MCTP2: variants seen among roughly 807,000 people sequenced by gnomAD.
MCTP2 encodes multiple C2 and transmembrane domain-containing protein 2.
In MCTP2, 132 loss-of-function variants were observed where a neutral mutation model predicts 111.6. The ratio of observed to expected loss-of-function variants is 1.18; its 90% CI spans 1.03 to 1.37. The LOEUF is 1.37. Among genes scored for constraint, MCTP2 ranks in the 40% most tolerant of loss-of-function variants. The pLI is 0.00. For missense variants in MCTP2, 1,183 were observed against 1,067.9 expected, an observed-to-expected ratio of 1.11 and a Z score of -1.50; for synonymous variants, 395 against 387.7, an observed-to-expected ratio of 1.02 and a Z score of -0.22.
At chr15:94,400,987 G>A (rs567581659) in intron 16 of MCTP2, among the ~76,000 whole-genome samples, 7 of 152,032 alleles carry the variant, frequency 4.6e-5, no homozygotes, top group Non-Finnish European at 1.0e-4. Flanking sequence ...TGTTATTATT[G>A]CCTTTTGCTC....
At chr15:94,464,257 T>TATTATATATATATATATATATATTATA (rs4001978) in intron 20 of MCTP2, among the ~76,000 whole-genome samples, 4 of 44,966 alleles carry the variant, frequency 8.9e-5, no homozygotes, top group Admixed American at 2.6e-4. Context: ...TATATATATA[T>TATTATATATATATATATATATATTATA]TATATATATA....
intron 19 of MCTP2, among the ~76,000 whole-genome samples, chr15:94,447,316 C>T (rs1418569126): frequency 1.3e-5 from 2 of 152,152 alleles, no homozygotes. Context: ...AACTGATGTT[C>T]ATAGAGGAGG....
intron 17 of MCTP2, among the ~76,000 whole-genome samples, chr15:94,414,475 A>G (rs1166788205): frequency 6.6e-6 from 1 of 152,162 alleles, no homozygotes; most frequent in Admixed American, 6.6e-5. Context: ...GTTAAAAAAT[A>G]CATCGTGGTA....
chr15:94,266,893 T>C (rs2073567974), intron 1 of MCTP2, among the ~76,000 whole-genome samples: 1 of 152,196 alleles, frequency 6.6e-6, no homozygotes, highest in South Asian at 2.1e-4. Flanking sequence ...CTGGTGATGT[T>C]TGAGGGACTT....
At chr15:94,254,178 C>T (rs1438360417) in intron 1 of MCTP2, among the ~76,000 whole-genome samples, 2 of 152,166 alleles carry the variant, frequency 1.3e-5, no homozygotes, top group African/African-American at 4.8e-5. Flanking sequence ...ACTTTCTGAT[C>T]AGCCTTTGTA....
intron 1 of MCTP2, among the ~76,000 whole-genome samples, chr15:94,244,548 A>G (rs1471857171): frequency 6.8e-6 from 1 of 146,616 alleles, no homozygotes; most frequent in Non-Finnish European, 1.5e-5. Context: ...ACACATACAT[A>G]TGCACCTATG....
chr15:94,298,924 CCT>C (rs1362049424), intron 2 of MCTP2, among the ~76,000 whole-genome samples, 194 bp downstream of exon 2: 17 of 31,004 alleles, frequency 5.5e-4, no homozygotes, highest in Admixed American at 3.5e-4. Flanking sequence ...CCTCCCTCTC[CCT>C]CTTTCCCTCT....
At chr15:94,430,472 C>G (rs2083120642) in intron 17 of MCTP2, among the ~76,000 whole-genome samples, 1 of 146,950 alleles carries the variant, frequency 6.8e-6, no homozygotes, top group Non-Finnish European at 1.5e-5. Context: ...TGACTCATGC[C>G]TGTAATCCTA....
At chr15:94,282,177 T>C (rs1450148649) in intron 1 of MCTP2, among the ~76,000 whole-genome samples, 3 of 152,216 alleles carry the variant, frequency 2.0e-5, no homozygotes, top group Admixed American at 6.5e-5. Context: ...CTTTCAGGAA[T>C]GCCAGTGAGT....
intron 4 of MCTP2, among the ~76,000 whole-genome samples, chr15:94,325,448 G>A (rs1002715911): frequency 3.3e-5 from 5 of 152,048 alleles, no homozygotes; most frequent in Non-Finnish European, 7.4e-5. Context: ...CCTTTTTATC[G>A]TGGGCTTATC....
At chr15:94,283,181 T>TG in intron 1 of MCTP2, among the ~76,000 whole-genome samples, 1 of 152,148 alleles carries the variant, frequency 6.6e-6, no homozygotes, top group Non-Finnish European at 1.5e-5. Context: ...ATGCTTTGGC[T>TG]GGGCAGCTGA....
intron 21 of MCTP2, among the ~76,000 whole-genome samples, chr15:94,474,354 C>T (rs775622520): frequency 9.2e-5 from 14 of 152,150 alleles, no homozygotes; most frequent in Non-Finnish European, 2.1e-4. Context: ...TTTCAGACTA[C>T]AGTATCATTT....
chr15:94,387,670 C>T lies in MCTP2; in HGVS notation c.1788+2145C>T, dbSNP rs117560394. Among the ~76,000 whole-genome samples the T allele has an allele frequency of 9.0e-3, 1,375 of 152,304 alleles. 7 individuals are homozygous for T. Among genetic ancestry groups the T allele is most frequent in the South Asian group, 0.033 (157 of 4,828 alleles). On this transcript the variant is annotated intron_variant, in intron 14 of 22. Transcript: ENST00000357742. ...CTAACAATGACCAGAGGGAGGCTCCCTCCTCTCTTGGAGCTTTTGTTATAG... is the reference window on the plus strand; with the variant it reads ...CTAACAATGACCAGAGGGAGGCTCCTTCCTCTCTTGGAGCTTTTGTTATAG...
intron 4 of MCTP2, among the ~76,000 whole-genome samples, chr15:94,328,538 G>T (rs182917490): frequency 6.6e-6 from 1 of 152,290 alleles, no homozygotes; most frequent in East Asian, 1.9e-4. Flanking sequence ...CTGCCTGTGC[G>T]CACGTTGATG....
At chr15:94,244,396 ATATT>A (rs756773618) in intron 1 of MCTP2, among the ~76,000 whole-genome samples, 4 of 149,950 alleles carry the variant, frequency 2.7e-5, no homozygotes, top group Admixed American at 6.6e-5. Flanking sequence ...ATAAATATGT[ATATT>A]TATATTCGTA....
intron 4 of MCTP2, among the ~76,000 whole-genome samples, chr15:94,323,352 T>A (rs2076711096): frequency 6.6e-6 from 1 of 151,998 alleles, no homozygotes; most frequent in Admixed American, 6.6e-5. Context: ...CTATGGGTAA[T>A]GAAAAATGAA....
intron 2 of MCTP2, among the ~76,000 whole-genome samples, chr15:94,313,541 A>G (rs991234703): frequency 3.3e-5 from 5 of 151,984 alleles, no homozygotes; most frequent in Non-Finnish European, 7.4e-5. Context: ...TCTCTACTAA[A>G]AATACAAAAA....
intron 1 of MCTP2, among the ~76,000 whole-genome samples, chr15:94,291,612 A>G (rs1475877619): frequency 6.6e-6 from 1 of 152,220 alleles, no homozygotes; most frequent in African/African-American, 2.4e-5. Context: ...AAAAAAGAAA[A>G]AAAAAAAAGT....
intron 1 of MCTP2, among the ~76,000 whole-genome samples, chr15:94,247,631 C>T (rs185489740): frequency 3.3e-5 from 5 of 152,226 alleles, no homozygotes; most frequent in Non-Finnish European, 7.4e-5. Context: ...GGCGCATCCT[C>T]ACCATAGTTT....
Sources: gnomAD v4.1 joint callset for allele counts (sites outside exome capture counted in the v4.1 genomes callset) on GRCh38, gnomAD v4.1.1 for gene constraint, MANE v1.5 for transcripts, NCBI Gene and HGNC (gene_info 2026-07-23, HGNC 2026-07-21) for gene names.